HS3ST3B1: variants seen among roughly 807,000 people sequenced by gnomAD.
HS3ST3B1 encodes the protein heparan sulfate-glucosamine 3-sulfotransferase 3B1.
In HS3ST3B1, 13 loss-of-function variants were observed where a neutral mutation model predicts 21.3. The ratio of observed to expected loss-of-function variants is 0.61; its 90% CI spans 0.40 to 0.97. HS3ST3B1 has a LOEUF of 0.97. Ranked by LOEUF, HS3ST3B1 falls within the 50% of genes least tolerant of loss-of-function variation. The pLI is 0.00. For missense variants in HS3ST3B1, 459 were observed against 554.8 expected, an observed-to-expected ratio of 0.83 and a Z score of 1.73; for synonymous variants, 234 against 254.8, an observed-to-expected ratio of 0.92 and a Z score of 0.78.
Position 14,332,821 on chromosome 17 carries a change from C to G in HS3ST3B1, c.555-12207C>G, listed in dbSNP as rs148164532. ...ATGGGCATCCTTTCATAAAAGAGGA[C>G]CTTTTATCTTTTTTTTTTTTTTTTT... On this transcript the variant is annotated intron_variant, in intron 1 of 1. Transcript: ENST00000360954. 8.3e-3 allele frequency among the ~76,000 whole-genome samples: 1,155 copies of G among 138,780 alleles called. 13 individuals carry two copies. The highest frequency in any genetic ancestry group is 0.031 in the African/African-American group (1,108 of 36,040). The allele number at this position is 138,780 out of a possible 152,430, so 91.0% of individuals were successfully genotyped here.
chr17:14,305,554 T>C (rs1331448208), intron 1 of HS3ST3B1: 1 of 152,248 alleles, frequency 6.6e-6, no homozygotes, highest in Non-Finnish European at 1.5e-5. Flanking sequence ...TATTCTTAAA[T>C]TGTAATGACC....
chr17:14,339,780 CCTGGGG>C (rs1336469662), intron 1 of HS3ST3B1, among the ~76,000 whole-genome samples: 1 of 152,176 alleles, frequency 6.6e-6, no homozygotes, highest in Non-Finnish European at 1.5e-5. Context: ...TGGAGGCCAG[CCTGGGG>C]CTGGACAGGC....
rs564701068 is a variant in HS3ST3B1 at position 14,309,953 on chromosome 17, G to A, written c.554+7881G>A. The stretch of plus-strand genomic sequence containing the variant: ...AAAGTGAATTCAGTTGAGTCAATTT[G>A]CAACGAGCACGTTTCGTTTCTCCCT... On this transcript the variant is annotated intron_variant, in intron 1 of 1. Coordinates refer to ENST00000360954, the MANE Select transcript of HS3ST3B1 (RefSeq NM_006041.3). 6.6e-5 allele frequency among the ~76,000 whole-genome samples: 10 copies of A among 152,290 alleles called. No homozygotes were observed. The South Asian group carries it at 2.1e-3, about 32-fold the overall frequency.
At chr17:14,331,304 AC>A (rs1399250828) in intron 1 of HS3ST3B1, among the ~76,000 whole-genome samples, 1 of 116,302 alleles carries the variant, frequency 8.6e-6, no homozygotes, top group Non-Finnish European at 1.9e-5. Context: ...CTCCACCCCC[AC>A]CCCCAGCCCC....
intron 1 of HS3ST3B1, among the ~76,000 whole-genome samples, chr17:14,310,800 C>T (rs771703508): frequency 1.3e-5 from 2 of 152,152 alleles, no homozygotes; most frequent in Non-Finnish European, 2.9e-5. Flanking sequence ...CTGATTGTTC[C>T]AGTCTGCCTG....
At chr17:14,338,862 G>A (rs1348308348) in intron 1 of HS3ST3B1, among the ~76,000 whole-genome samples, 1 of 152,268 alleles carries the variant, frequency 6.6e-6, no homozygotes, top group Non-Finnish European at 1.5e-5. Context: ...GGTGGTCCTG[G>A]AAGTTCATTG....
intron 1 of HS3ST3B1, among the ~76,000 whole-genome samples, chr17:14,332,169 C>T (rs1910033921): frequency 6.6e-6 from 1 of 152,030 alleles, no homozygotes; most frequent in Non-Finnish European, 1.5e-5. Context: ...CTGAGGTTCC[C>T]TGGGATGTAT....
intron 1 of HS3ST3B1, among the ~76,000 whole-genome samples, chr17:14,320,758 T>C (rs1320146863): frequency 1.3e-5 from 2 of 152,214 alleles, no homozygotes; most frequent in Non-Finnish European, 2.9e-5. Flanking sequence ...TTCATTAAGT[T>C]GAAGCCATGT....
rs892303127 is a variant in HS3ST3B1, at chr17:14,338,071, A to G, written c.555-6957A>G. Among the ~76,000 whole-genome samples, 45 of 151,740 alleles carry G rather than the reference A, an allele frequency of 3.0e-4. 1 individual carries two copies. The highest frequency in any genetic ancestry group is 1.0e-3 in the African/African-American group (42 of 41,032). On this transcript the variant is annotated intron_variant, in intron 1 of 1. Coordinates refer to ENST00000360954, the MANE Select transcript of HS3ST3B1 (RefSeq NM_006041.3). ...GGGCCAGGCATATAACGCCAGTTAA[A>G]AGCACCCTGCATGATTTAAAATGCT... is the stretch of plus-strand genomic sequence containing the variant.
chr17:14,343,424 A>G (rs979278357), intron 1 of HS3ST3B1, among the ~76,000 whole-genome samples: 1 of 152,114 alleles, frequency 6.6e-6, no homozygotes, highest in Non-Finnish European at 1.5e-5. Context: ...GATCCCTACA[A>G]CTTATTTCTC....
chr17:14,304,868 C>CATCG (rs1909079611), intron 1 of HS3ST3B1: 3 of 152,218 alleles, frequency 2.0e-5, no homozygotes, highest in Non-Finnish European at 1.5e-5. Context: ...TGAGGATCAG[C>CATCG]ATCGTAATCT....
At chr17:14,329,401 A>AG (rs1909928597) in intron 1 of HS3ST3B1, 1 of 150,180 alleles carries the variant, frequency 6.7e-6, no homozygotes, top group Non-Finnish European at 1.5e-5. Flanking sequence ...GAGAGGAAGG[A>AG]AGGAAAAGAG....
chr17:14,301,379 C>T lies in HS3ST3B1; in HGVS notation c.-140C>T, dbSNP rs1201289554. ...ACCTGGGGAAGAGCAGCAGCAGCAG[C>T]GGCGGCCGCGGGCACACGGGGGCAA... On this transcript the variant is annotated 5_prime_UTR_variant, in exon 1 of 2. Coordinates refer to ENST00000360954, the MANE Select transcript of HS3ST3B1 (RefSeq NM_006041.3). The T allele has an allele frequency of 1.9e-5, 13 of 681,602 alleles. No individual in the cohort carries two copies. The highest frequency in any genetic ancestry group is 6.4e-5 in the South Asian group (2 of 31,246). 42.2% of individuals were successfully genotyped at this position (681,602 alleles called of 1,614,324 possible).
At chr17:14,310,376 C>A (rs910457119) in intron 1 of HS3ST3B1, among the ~76,000 whole-genome samples, 1 of 152,112 alleles carries the variant, frequency 6.6e-6, no homozygotes, top group Non-Finnish European at 1.5e-5. Flanking sequence ...TAGTGCTGCC[C>A]AAGGTGGACT....
rs896944326 is a variant in HS3ST3B1, at chr17:14,346,934, G to T, written c.*1288G>T. ...CAAGGTGCTGCTAGGTACAGAGCCAGCCAGTGTTGGGCAGCAGGCTCACAG... is the reference window on the plus strand; with the variant it reads ...CAAGGTGCTGCTAGGTACAGAGCCATCCAGTGTTGGGCAGCAGGCTCACAG... On this transcript the variant is annotated 3_prime_UTR_variant, in exon 2 of 2. Coordinates refer to ENST00000360954, the MANE Select transcript of HS3ST3B1 (RefSeq NM_006041.3). 6.6e-6 allele frequency: 1 copy of T among 152,218 alleles called. No homozygotes were observed. The highest frequency in any genetic ancestry group is 2.4e-5 in the African/African-American group (1 of 41,434). The allele number at this position is 152,218 out of a possible 1,614,324, so 9.4% of individuals were successfully genotyped here.
At chr17:14,332,189 T>C (rs368314760) in intron 1 of HS3ST3B1, among the ~76,000 whole-genome samples, 1 of 152,152 alleles carries the variant, frequency 6.6e-6, no homozygotes, top group Admixed American at 6.5e-5. Flanking sequence ...TAAGGTCATG[T>C]AGAAAGAGCC....
At chr17:14,311,746 C>T (rs1358409703) in intron 1 of HS3ST3B1, among the ~76,000 whole-genome samples, 1 of 152,156 alleles carries the variant, frequency 6.6e-6, no homozygotes, top group Admixed American at 6.5e-5. Flanking sequence ...GAGCCATGAA[C>T]TTGTCCCTGA....
Position 14,334,978 on chromosome 17 carries a change from A to T in HS3ST3B1, c.555-10050A>T, listed in dbSNP as rs566005433. On this transcript the variant is annotated intron_variant, in intron 1 of 1. Coordinates refer to ENST00000360954, the MANE Select transcript of HS3ST3B1 (RefSeq NM_006041.3). ...TTGCTTTGGAGTGGGGAGGGGGGAA[A>T]TCTTGTAAAGATTTCTCTTTGTCAC... is the stretch of plus-strand genomic sequence containing the variant. Among the ~76,000 whole-genome samples the T allele has an allele frequency of 2.0e-5, 3 of 152,196 alleles. No homozygotes were observed. In the South Asian group the frequency reaches 6.2e-4, roughly 32 times the overall value.
In HS3ST3B1 at chr17:14,323,340, C is replaced by T. The variant is rs1234896299; in HGVS notation, c.554+21268C>T. ...GGGAATTTGCATACCTTTTTGTAGT[C>T]AGCAAGGGTAGCATTCTGTCGTAAT... On this transcript the variant is annotated intron_variant, in intron 1 of 1. Coordinates refer to ENST00000360954, the MANE Select transcript of HS3ST3B1 (RefSeq NM_006041.3). 2.0e-5 allele frequency among the ~76,000 whole-genome samples: 3 copies of T among 152,206 alleles called. No individual in the cohort carries two copies. The East Asian group carries it at 5.8e-4, about 29-fold the overall frequency.
Sources: gnomAD v4.1 joint callset for allele counts (sites outside exome capture counted in the v4.1 genomes callset) on GRCh38, gnomAD v4.1.1 for gene constraint, MANE v1.5 for transcripts, NCBI Gene and HGNC (gene_info 2026-07-23, HGNC 2026-07-21) for gene names.